The following CSMD1 variants were observed in gnomAD, a reference collection of about 807,000 sequenced individuals.
CSMD1 encodes the protein CUB and sushi domain-containing protein 1.
Under a neutral mutation model 417.5 loss-of-function variants are expected in CSMD1, and 213 were observed. The observed-to-expected ratio is 0.51, with a 90% CI of 0.46 to 0.57. The LOEUF (loss-of-function observed/expected upper bound fraction) is 0.57. Ranked by LOEUF, CSMD1 falls within the 20% of genes least tolerant of loss-of-function variation. CSMD1 has a pLI of 0.00. For missense variants in CSMD1, 6,923 were observed against 4,529.7 expected, an observed-to-expected ratio of 1.53 and a Z score of -15.17; for synonymous variants, 2,862 against 1,736.8, an observed-to-expected ratio of 1.65 and a Z score of -16.11.
At chr8:4,276,809 G>A (rs961961611) in intron 3 of CSMD1, among the ~76,000 whole-genome samples, 1 of 152,080 alleles carries the variant, frequency 6.6e-6, no homozygotes, top group Non-Finnish European at 1.5e-5. Flanking sequence ...GGTTTTCCCT[G>A]AGAACTAAAT....
rs545075885 is a variant in CSMD1 at position 3,976,767 on chromosome 8, G to A, written c.818+21136C>T. Among the ~76,000 whole-genome samples the A allele has an allele frequency of 1.9e-4, 29 of 152,256 alleles. No individual in the cohort carries two copies. The South Asian group carries it at 6.0e-3, about 32-fold the overall frequency. Reference sequence around the variant, plus strand: ...TTACTCTCAACATTTTGTAGAGAATGAAATTCTTCAGGCTGAATGCTGCTC... The same window carrying A: ...TTACTCTCAACATTTTGTAGAGAATAAAATTCTTCAGGCTGAATGCTGCTC... On this transcript the variant is annotated intron_variant, in intron 5 of 69. Transcript: ENST00000635120.
chr8:3,552,250 G>T (rs986802970), intron 10 of CSMD1, among the ~76,000 whole-genome samples: 23 of 152,102 alleles, frequency 1.5e-4, no homozygotes, highest in African/African-American at 5.6e-4. Context: ...ACAAAAAAGT[G>T]TATCGACACA....
At chr8:3,843,157 A>T (rs1803244168) in intron 5 of CSMD1, among the ~76,000 whole-genome samples, 1 of 152,138 alleles carries the variant, frequency 6.6e-6, no homozygotes. Flanking sequence ...ATCAATTCTC[A>T]ATTTTTCACT....
intron 3 of CSMD1, among the ~76,000 whole-genome samples, chr8:4,196,870 T>C (rs1352882617): frequency 4.6e-5 from 7 of 152,154 alleles, no homozygotes; most frequent in Admixed American, 2.6e-4. Context: ...AGAAAACATA[T>C]AGTGAAAGTT....
intron 9 of CSMD1, among the ~76,000 whole-genome samples, chr8:3,583,557 G>A (rs1049435236): frequency 3.9e-5 from 6 of 151,994 alleles, no homozygotes; most frequent in African/African-American, 1.5e-4. Flanking sequence ...AGAGTTGCAG[G>A]CCATGTGTCC....
intron 12 of CSMD1, among the ~76,000 whole-genome samples, chr8:3,441,598 G>A (rs1315287734): frequency 1.3e-5 from 2 of 151,484 alleles, no homozygotes; most frequent in Non-Finnish European, 2.9e-5. Flanking sequence ...AGATTATAAT[G>A]TAGTTAAAAA....
intron 5 of CSMD1, among the ~76,000 whole-genome samples, chr8:3,849,587 T>C (rs1803747667): frequency 6.6e-6 from 1 of 152,006 alleles, no homozygotes; most frequent in Admixed American, 6.6e-5. Context: ...ATGCTCCACA[T>C]GGGAAAAGAA....
chr8:3,985,035 T>C, intron 5 of CSMD1, among the ~76,000 whole-genome samples: 1 of 152,082 alleles, frequency 6.6e-6, no homozygotes. Flanking sequence ...TGACCACATT[T>C]TGATTACTGT....
chr8:2,970,487 T>C (rs1235610867), intron 57 of CSMD1, among the ~76,000 whole-genome samples: 1 of 152,236 alleles, frequency 6.6e-6, no homozygotes, highest in African/African-American at 2.4e-5. Context: ...AACAGAAGGA[T>C]AGTTCTGCTT....
rs570169342 is a variant in CSMD1, at chr8:2,986,565, C to T, written c.8378-7765G>A. Among the ~76,000 whole-genome samples, 61 of 152,202 alleles carry T rather than the reference C, an allele frequency of 4.0e-4. No homozygotes were observed. The South Asian group carries it at 5.2e-3, about 13-fold the overall frequency. On this transcript the variant is annotated intron_variant, in intron 54 of 69. Transcript: ENST00000635120. ...GCTCACCCAGGCTGGAGTGCAATGG[C>T]GCGATCTCAGCTCACTGCAAGCTAC...
At chr8:3,046,248 G>A (rs1811432808) in intron 50 of CSMD1, among the ~76,000 whole-genome samples, 1 of 152,170 alleles carries the variant, frequency 6.6e-6, no homozygotes, top group Non-Finnish European at 1.5e-5. Context: ...GTGGTGACCT[G>A]GGTGGTGCAG....
At chr8:3,004,839 T>C (rs966186616) in intron 52 of CSMD1, among the ~76,000 whole-genome samples, 1 of 152,146 alleles carries the variant, frequency 6.6e-6, no homozygotes, top group Non-Finnish European at 1.5e-5. Flanking sequence ...AAATATGTCA[T>C]TGGAATAAGA....
chr8:3,915,789 T>C (rs1309064685), intron 5 of CSMD1, among the ~76,000 whole-genome samples: 5 of 148,380 alleles, frequency 3.4e-5, no homozygotes, highest in African/African-American at 5.0e-5. Flanking sequence ...AATTTTCGTA[T>C]CAATTTTATT....
At chr8:4,141,389 A>T (rs768153153) in intron 3 of CSMD1, among the ~76,000 whole-genome samples, 1 of 151,242 alleles carries the variant, frequency 6.6e-6, no homozygotes, top group Non-Finnish European at 1.5e-5. Flanking sequence ...CCAAGAAGCT[A>T]AAGAAAGATT....
intron 59 of CSMD1, among the ~76,000 whole-genome samples, chr8:2,964,903 T>C (rs905775749): frequency 6.6e-6 from 1 of 152,208 alleles, no homozygotes; most frequent in Admixed American, 6.5e-5. Context: ...TCACCGAAGA[T>C]GAAACCTTCT....
rs142752643 is a variant in CSMD1 at position 3,341,552 on chromosome 8, G to T, written c.3631+1742C>A. 2.1e-3 allele frequency among the ~76,000 whole-genome samples: 318 copies of T among 152,254 alleles called. 3 individuals are homozygous for T. The highest frequency in any genetic ancestry group is 2.0e-3 in the Non-Finnish European group (135 of 68,012). On this transcript the variant is annotated intron_variant, in intron 23 of 69. Transcript: ENST00000635120. Reference sequence around the variant, plus strand: ...TGTGTTTTTTGTGAAGCAGCCACAGGAAGGGAAAAAGTGAGCTTAGTAACA... The same window carrying T: ...TGTGTTTTTTGTGAAGCAGCCACAGTAAGGGAAAAAGTGAGCTTAGTAACA...
chr8:4,357,528 G>A (rs996912151), intron 3 of CSMD1, among the ~76,000 whole-genome samples: 6 of 152,072 alleles, frequency 3.9e-5, no homozygotes, highest in Middle Eastern at 3.4e-3. Context: ...CCATCTCTAA[G>A]TAAGTTGGAA....
chr8:4,011,953 A>G (rs1163303962), intron 4 of CSMD1, among the ~76,000 whole-genome samples: 1 of 152,034 alleles, frequency 6.6e-6, no homozygotes, highest in Non-Finnish European at 1.5e-5. Flanking sequence ...TCATCTCTCC[A>G]TTATTTATAA....
At chr8:4,128,411 G>C (rs1020204370) in intron 3 of CSMD1, among the ~76,000 whole-genome samples, 3 of 152,138 alleles carry the variant, frequency 2.0e-5, no homozygotes, top group African/African-American at 7.2e-5. Context: ...CATCTGTGAT[G>C]ACTCTATTGG....
Sources: gnomAD v4.1 joint callset for allele counts (sites outside exome capture counted in the v4.1 genomes callset) on GRCh38, gnomAD v4.1.1 for gene constraint, MANE v1.5 for transcripts, NCBI Gene and HGNC (gene_info 2026-07-23, HGNC 2026-07-21) for gene names.